The following NMNAT2 variants were observed in gnomAD, a reference collection of about 807,000 sequenced individuals.
The protein encoded by NMNAT2 is nicotinamide nucleotide adenylyltransferase 2.
NMNAT2 carries 11 observed loss-of-function variants against 41.6 expected under a neutral mutation model. The observed-to-expected ratio is 0.26, with a 90% confidence interval of 0.17 to 0.44. The LOEUF (loss-of-function observed/expected upper bound fraction) is 0.44. Among genes scored for constraint, NMNAT2 ranks in the 20% least tolerant of loss-of-function variants. The pLI is 1.00. For synonymous variants in NMNAT2, 148 were observed against 151.2 expected, an observed-to-expected ratio of 0.98 and a Z score of 0.16; for missense variants, 288 against 407.7, an observed-to-expected ratio of 0.71 and a Z score of 2.53.
chr1:183,369,812 C>T (rs1663492627), intron 1 of NMNAT2, among the ~76,000 whole-genome samples: 1 of 152,090 alleles, frequency 6.6e-6, no homozygotes, highest in African/African-American at 2.4e-5. Flanking sequence ...TCCCCGGCAA[C>T]CACCATGCTA....
At chr1:183,354,303 A>C (rs1013974224) in intron 1 of NMNAT2, among the ~76,000 whole-genome samples, 1 of 152,066 alleles carries the variant, frequency 6.6e-6, no homozygotes, top group African/African-American at 2.4e-5. Flanking sequence ...TTAGATAAAA[A>C]CTGTCAGTGG....
intron 7 of NMNAT2, among the ~76,000 whole-genome samples, chr1:183,280,559 T>C (rs931974432): frequency 6.6e-6 from 1 of 150,432 alleles, no homozygotes; most frequent in Non-Finnish European, 1.5e-5. Context: ...GGCTAATTTT[T>C]GTATTTTTAG....
chr1:183,378,532 G>A (rs1663727034), intron 1 of NMNAT2, among the ~76,000 whole-genome samples: 1 of 151,924 alleles, frequency 6.6e-6, no homozygotes, highest in Non-Finnish European at 1.5e-5. Flanking sequence ...TCCAGCCTGG[G>A]CAACAAGAGT....
intron 10 of NMNAT2, among the ~76,000 whole-genome samples, chr1:183,259,824 C>T (rs974960898): frequency 5.3e-5 from 8 of 152,168 alleles, no homozygotes; most frequent in Non-Finnish European, 8.8e-5. Flanking sequence ...TGGTCTCGAT[C>T]TCCTGACCTC....
chr1:183,254,683 C>CA (rs1481452023), intron 10 of NMNAT2, among the ~76,000 whole-genome samples: 1 of 152,188 alleles, frequency 6.6e-6, no homozygotes, highest in Non-Finnish European at 1.5e-5. Context: ...GCAATCTTTC[C>CA]ACCTCAGCCT....
intron 1 of NMNAT2, among the ~76,000 whole-genome samples, chr1:183,389,823 AG>A (rs1648407495): frequency 1.5e-5 from 1 of 65,728 alleles, no homozygotes; most frequent in African/African-American, 4.6e-5. Flanking sequence ...AAAGAAAGAA[AG>A]AAAGAAAGAA....
At chr1:183,412,139 T>TA (rs1344282037) in intron 1 of NMNAT2, among the ~76,000 whole-genome samples, 1 of 152,266 alleles carries the variant, frequency 6.6e-6, no homozygotes, top group Non-Finnish European at 1.5e-5. Flanking sequence ...TTGACAGAGA[T>TA]ACGGAGCTCT....
intron 8 of NMNAT2, among the ~76,000 whole-genome samples, chr1:183,277,084 G>A (rs2102295703): frequency 6.6e-6 from 1 of 152,298 alleles, no homozygotes; most frequent in African/African-American, 2.4e-5. Context: ...GTCAGGTGCT[G>A]GGGCTAGGCA....
chr1:183,416,941 G>T (rs1423731546), intron 1 of NMNAT2, among the ~76,000 whole-genome samples: 1 of 152,106 alleles, frequency 6.6e-6, no homozygotes, highest in African/African-American at 2.4e-5. Flanking sequence ...CAGCACCGCC[G>T]CCTCTGGAGA....
chr1:183,253,931 GTGTGTGTGTGTGTA>G (rs1364198931), intron 10 of NMNAT2, among the ~76,000 whole-genome samples: 1 of 145,312 alleles, frequency 6.9e-6, no homozygotes, highest in Non-Finnish European at 1.5e-5. Context: ...GTGTGTGTGT[GTGTGTGTGTGTGTA>G]TGTGTGTGTG....
Position 183,356,345 on chromosome 1 carries a change from A to T in NMNAT2, c.85+61838T>A, listed in dbSNP as rs950915617. The stretch of plus-strand genomic sequence containing the variant: ...TAGACAGCCATAGACTCTTAGAGCT[A>T]GCTCAGGTGAACAGTCAGCCTGTTG... On this transcript the variant is annotated intron_variant, in intron 1 of 10. Transcript: ENST00000287713. 2.4e-4 allele frequency among the ~76,000 whole-genome samples: 36 copies of T among 152,200 alleles called. 1 individual carries two copies. Among genetic ancestry groups the T allele is most frequent in the Admixed American group, 2.4e-3 (36 of 15,290 alleles).
chr1:183,398,373 T>C (rs759992272), intron 1 of NMNAT2, among the ~76,000 whole-genome samples: 5 of 152,168 alleles, frequency 3.3e-5, no homozygotes, highest in Non-Finnish European at 5.9e-5. Flanking sequence ...ATCCTAAATA[T>C]ATATGCACCC....
intron 1 of NMNAT2, among the ~76,000 whole-genome samples, chr1:183,306,569 C>CA (rs1282796743): frequency 7.9e-5 from 12 of 152,096 alleles, no homozygotes; most frequent in Middle Eastern, 3.2e-3. Context: ...AGTGGAGAAA[C>CA]AAAATCAGCT....
At chr1:183,346,267 A>G (rs1180300002) in intron 1 of NMNAT2, among the ~76,000 whole-genome samples, 1 of 152,066 alleles carries the variant, frequency 6.6e-6, no homozygotes, top group Non-Finnish European at 1.5e-5. Context: ...GGTCAACACA[A>G]ATCAGTCCAA....
intron 10 of NMNAT2, among the ~76,000 whole-genome samples, chr1:183,258,938 T>G (rs771495578): frequency 6.6e-6 from 1 of 152,212 alleles, no homozygotes; most frequent in Non-Finnish European, 1.5e-5. Context: ...GGGAGACTGA[T>G]TTGATAACAA....
intron 1 of NMNAT2, among the ~76,000 whole-genome samples, chr1:183,405,928 C>T (rs534523582): frequency 8.5e-5 from 13 of 152,200 alleles, no homozygotes; most frequent in Non-Finnish European, 1.9e-4. Flanking sequence ...CTGCAAAGTT[C>T]TGGAAGGTAC....
rs1660322672 is a variant in NMNAT2, at chr1:183,249,688, TG to T, written c.*2952del. On this transcript the variant is annotated 3_prime_UTR_variant, in exon 11 of 11. Coordinates refer to ENST00000287713, the MANE Select transcript of NMNAT2 (RefSeq NM_015039.4). Reference sequence around the variant, plus strand: ...TAGCAAATGAAGAGTAGGGCGTGTGTGTGTGTGTGTGTGTGTGTGTGTGTGT... The same window carrying T: ...TAGCAAATGAAGAGTAGGGCGTGTGTTGTGTGTGTGTGTGTGTGTGTGTGT... 1 of 80,092 alleles carries T rather than the reference TG, an allele frequency of 1.2e-5. No individual in the cohort carries two copies. The highest frequency in any genetic ancestry group is 6.3e-5 in the African/African-American group (1 of 15,912). 5.0% of individuals were successfully genotyped at this position (80,092 alleles called of 1,614,324 possible).
intron 1 of NMNAT2, among the ~76,000 whole-genome samples, chr1:183,379,528 G>C (rs573128755): frequency 6.6e-6 from 1 of 152,056 alleles, no homozygotes; most frequent in Non-Finnish European, 1.5e-5. Context: ...AAAAGTAAAA[G>C]GTTGGAGAAA....
intron 1 of NMNAT2, among the ~76,000 whole-genome samples, chr1:183,392,551 T>C (rs887977844): frequency 1.3e-5 from 2 of 152,190 alleles, no homozygotes; most frequent in African/African-American, 2.4e-5. Context: ...CTTTCTCCAT[T>C]GGAGTAAAAG....
Sources: gnomAD v4.1 joint callset for allele counts (sites outside exome capture counted in the v4.1 genomes callset) on GRCh38, gnomAD v4.1.1 for gene constraint, MANE v1.5 for transcripts, NCBI Gene and HGNC (gene_info 2026-07-23, HGNC 2026-07-21) for gene names.